The following TMEM255B variants were observed in gnomAD, a reference collection of about 807,000 sequenced individuals.
The protein encoded by TMEM255B is transmembrane protein 255B, also known as family with sequence similarity 70, member B.
Under a neutral mutation model 34.5 loss-of-function variants are expected in TMEM255B, and 35 were observed. That is an observed-to-expected ratio of 1.01 (90% CI 0.77 to 1.34). The LOEUF is 1.34. TMEM255B is among the 40% of genes most tolerant of loss of function. The pLI, the probability that TMEM255B is intolerant of heterozygous loss-of-function variation, is 0.00. For synonymous variants in TMEM255B, 206 were observed against 201.2 expected, an observed-to-expected ratio of 1.02 and a Z score of -0.20; for missense variants, 432 against 433.2, an observed-to-expected ratio of 1.00 and a Z score of 0.02.
chr13:113,793,757 A>G (rs556817575), intron 3 of TMEM255B, among the ~76,000 whole-genome samples: 5 of 152,296 alleles, frequency 3.3e-5, no homozygotes, highest in Admixed American at 6.5e-5. Context: ...AAGAAGCTGC[A>G]CTTTCCTCCG....
intron 3 of TMEM255B, among the ~76,000 whole-genome samples, chr13:113,793,166 G>A (rs1373403341): frequency 6.6e-6 from 1 of 152,332 alleles, no homozygotes; most frequent in South Asian, 2.1e-4. Context: ...AGGCCACCCC[G>A]AGAACCCTTG....
intron 7 of TMEM255B, 39 bp downstream of exon 7, chr13:113,801,851 G>A: frequency 6.5e-7 from 1 of 1,532,928 alleles, no homozygotes; most frequent in Non-Finnish European, 8.8e-7. Flanking sequence ...CTCACTGGGA[G>A]CCGGGGCTCC....
chr13:113,803,486 C>T (rs140901037), intron 7 of TMEM255B, among the ~76,000 whole-genome samples: 2 of 148,374 alleles, frequency 1.3e-5, no homozygotes, highest in Admixed American at 6.7e-5. Context: ...CCGGCAAGGG[C>T]GGGCGGCTGA....
chr13:113,780,633 C>T (rs1452277623), intron 3 of TMEM255B, among the ~76,000 whole-genome samples: 6 of 152,198 alleles, frequency 3.9e-5, no homozygotes, highest in Admixed American at 1.3e-4. Context: ...TATTAATGAA[C>T]ATTTTAGCTC....
chr13:113,772,421 A>C lies in TMEM255B; in HGVS notation c.252+3261A>C, dbSNP rs143795831. 4.9e-3 allele frequency among the ~76,000 whole-genome samples: 742 copies of C among 152,358 alleles called. 1 individual carries two copies. Among genetic ancestry groups the C allele is most frequent in the African/African-American group, 0.017 (704 of 41,574 alleles). ...AAGAATGTTTTACAAATCTAAGGACATGAAGATTTACCCCTAGATTTTTCT... is the reference window on the plus strand; with the variant it reads ...AAGAATGTTTTACAAATCTAAGGACCTGAAGATTTACCCCTAGATTTTTCT... On this transcript the variant is annotated intron_variant, in intron 3 of 8. Coordinates refer to ENST00000375353, the MANE Select transcript of TMEM255B (RefSeq NM_182614.4).
intron 3 of TMEM255B, among the ~76,000 whole-genome samples, chr13:113,789,885 A>C (rs1017247624): frequency 3.9e-5 from 6 of 152,178 alleles, no homozygotes; most frequent in Non-Finnish European, 7.4e-5. Flanking sequence ...CACTGGACTG[A>C]CCATGTACGT....
rs377425281 is a variant in TMEM255B, at chr13:113,766,369, C to T, written c.189+112C>T. On this transcript the variant is annotated intron_variant, in intron 2 of 8. Coordinates refer to ENST00000375353, the MANE Select transcript of TMEM255B (RefSeq NM_182614.4). ...GCTGGGGCTGAAGGTGGGGAGGCTT[C>T]GATCAGTGCTTGTGGTCGGCAGGGT... 237 of 1,484,878 alleles carry T rather than the reference C, an allele frequency of 1.6e-4. No homozygotes were observed. In the African/African-American group the frequency reaches 2.7e-3, roughly 17 times the overall value. 92.0% of individuals were successfully genotyped at this position (1,484,878 alleles called of 1,614,324 possible).
At chr13:113,787,565 A>G (rs566496502) in intron 3 of TMEM255B, among the ~76,000 whole-genome samples, 1 of 152,032 alleles carries the variant, frequency 6.6e-6, no homozygotes, top group Admixed American at 6.6e-5. Flanking sequence ...GGAGCCCCTG[A>G]GTTTTGTGGT....
chr13:113,772,624 C>T (rs1400445821), intron 3 of TMEM255B, among the ~76,000 whole-genome samples: 8 of 152,234 alleles, frequency 5.3e-5, no homozygotes, highest in African/African-American at 1.2e-4. Context: ...CATGCATTTA[C>T]GGACATCCAG....
chr13:113,800,453 C>A (rs1189558481), intron 5 of TMEM255B, among the ~76,000 whole-genome samples: 1 of 152,004 alleles, frequency 6.6e-6, no homozygotes, highest in Non-Finnish European at 1.5e-5. Context: ...TGGGACGGGG[C>A]CTGTTCTGCC....
chr13:113,772,102 C>T (rs867276068), intron 3 of TMEM255B, among the ~76,000 whole-genome samples: 1 of 152,136 alleles, frequency 6.6e-6, no homozygotes, highest in Non-Finnish European at 1.5e-5. Flanking sequence ...TTAGTGATGT[C>T]GAGCATCTCT....
At position 113,802,290 on chromosome 13, in the gene TMEM255B, G is replaced by A. The variant is rs555717553; in HGVS notation, c.669+478G>A. On this transcript the variant is annotated intron_variant, in intron 7 of 8. Transcript: ENST00000375353. ...GGGCTGGACCCATCCTGGAAAGGCCGGCCCTCGCCCGGGAAACCACAGGGA... is the reference window on the plus strand; with the variant it reads ...GGGCTGGACCCATCCTGGAAAGGCCAGCCCTCGCCCGGGAAACCACAGGGA... 3.3e-5 allele frequency among the ~76,000 whole-genome samples: 5 copies of A among 152,282 alleles called. No homozygotes were observed. In the East Asian group the frequency reaches 7.8e-4, roughly 24 times the overall value.
chr13:113,801,427 C>T (rs980802741), intron 6 of TMEM255B, among the ~76,000 whole-genome samples: 1 of 152,216 alleles, frequency 6.6e-6, no homozygotes, highest in African/African-American at 2.4e-5. Flanking sequence ...CCGCCAGGCC[C>T]AGTTGCCGCT....
rs543256346 is a variant in TMEM255B, at chr13:113,770,556, C to T, written c.252+1396C>T. On this transcript the variant is annotated intron_variant, in intron 3 of 8. Transcript: ENST00000375353. This position sits in a 1 kb window ranked among gnomAD's most constrained non-coding sequence, Gnocchi z 4.6. Reference sequence around the variant, plus strand: ...ACACTGGGATTCTGGTGGAGCAAAGCGTTCTGTTCTGCATAGTAGAGACAG... The same window carrying T: ...ACACTGGGATTCTGGTGGAGCAAAGTGTTCTGTTCTGCATAGTAGAGACAG... 2.0e-5 allele frequency among the ~76,000 whole-genome samples: 3 copies of T among 152,304 alleles called. No individual in the cohort carries two copies. Among genetic ancestry groups the T allele is most frequent in the East Asian group, 3.9e-4 (2 of 5,176 alleles).
intron 3 of TMEM255B, among the ~76,000 whole-genome samples, chr13:113,786,546 CCATCGTCAA>C (rs1055788310): frequency 6.7e-6 from 1 of 149,602 alleles, no homozygotes; most frequent in South Asian, 2.1e-4. Context: ...ACCATTGTCA[CCATCGTCAA>C]CATCATCACC....
chr13:113,799,277 C>G, intron 4 of TMEM255B, 62 bp from the exon 5 acceptor site: 1 of 1,547,032 alleles, frequency 6.5e-7, no homozygotes, highest in Non-Finnish European at 8.9e-7. Context: ...CTGAAATTGC[C>G]TCTGGCCTCT....
intron 4 of TMEM255B, among the ~76,000 whole-genome samples, chr13:113,798,971 A>G (rs1172979895): frequency 6.6e-6 from 1 of 152,158 alleles, no homozygotes; most frequent in Non-Finnish European, 1.5e-5. Context: ...AGTAGAAGAG[A>G]CAATATTTTC....
chr13:113,812,964 C>CAT lies in TMEM255B; in HGVS notation c.*1061_*1062insAT, dbSNP rs1247984328. 5.5e-4 allele frequency: 58 copies of CAT among 106,080 alleles called. 3 individuals are homozygous for CAT. The highest frequency in any genetic ancestry group is 3.0e-3 in the African/African-American group (55 of 18,416). The allele number at this position is 106,080 out of a possible 1,614,324, so 6.6% of individuals were successfully genotyped here. ...TCACGGGTCCCGGGTGGGTCACGGG[C>CAT]CCCGGGTGGGTCACGGGTCCCGGGT... On this transcript the variant is annotated 3_prime_UTR_variant, in exon 9 of 9. Coordinates refer to ENST00000375353, the MANE Select transcript of TMEM255B (RefSeq NM_182614.4).
intron 5 of TMEM255B, chr13:113,800,105 T>C: frequency 3.2e-6 from 3 of 948,026 alleles, no homozygotes; most frequent in Non-Finnish European, 3.9e-6. Context: ...TGGGGGGGGG[T>C]AGGCAGGAGG....
Sources: allele counts gnomAD v4.1 joint callset (sites outside exome capture counted in the v4.1 genomes callset), GRCh38; gene constraint gnomAD v4.1.1; non-coding constraint Gnocchi (gnomAD v3.1); transcripts MANE v1.5; gene names NCBI Gene and HGNC (gene_info 2026-07-23, HGNC 2026-07-21).